Variants in GABBR2 observed in about 807,000 individuals in gnomAD.
GABBR2 encodes G-protein coupled receptor 51.
GABBR2 carries 23 observed loss-of-function variants against 105.6 expected under a neutral mutation model. The ratio of observed to expected loss-of-function variants is 0.22; its 90% CI spans 0.16 to 0.31. GABBR2 has a LOEUF of 0.31. Among genes scored for constraint, GABBR2 ranks in the 10% least tolerant of loss-of-function variants. GABBR2 has a pLI of 1.00. For missense variants in GABBR2, 734 were observed against 1,245.5 expected (o/e 0.59, Z 6.18); for synonymous variants, 478 against 499.7 (o/e 0.96, Z 0.58).
chr9:98,508,886 T>C (rs1827574721), intron 3 of GABBR2, among the ~76,000 whole-genome samples: 1 of 152,126 alleles, frequency 6.6e-6, no homozygotes, highest in Non-Finnish European at 1.5e-5. Flanking sequence ...CTCTGCAGAC[T>C]TAAATGTCCC....
intron 13 of GABBR2, among the ~76,000 whole-genome samples, chr9:98,345,690 C>T (rs1195292393): frequency 6.6e-6 from 1 of 152,104 alleles, no homozygotes; most frequent in African/African-American, 2.4e-5. Context: ...ACATGATCGT[C>T]TATATAGAAA....
chr9:98,452,659 C>T (rs951117786), intron 7 of GABBR2, among the ~76,000 whole-genome samples: 5 of 152,170 alleles, frequency 3.3e-5, no homozygotes, highest in African/African-American at 1.2e-4. Flanking sequence ...ATGTATTTAG[C>T]ACAATGTCTA....
chr9:98,473,205 A>G lies in GABBR2; in HGVS notation c.940T>C (p.Tyr314His), dbSNP rs773539228. ...AGGGGCTCGAAATCCACGCCAATGT[A>G]GCCCTCCATGGCAGCAAGCAGATTC... Reference protein sequence around the residue: ...RKNLLAAMEGYIGVDFEPLSS... With the variant: ...RKNLLAAMEGHIGVDFEPLSS... Residue 314 changes from tyrosine (Y) to histidine (H), a missense_variant, in exon 6 of 19, where the codon TAC (tyrosine) becomes CAC (histidine). By Grantham distance (83) the Tyr-to-His change is moderately conservative (BLOSUM62 2). Coordinates refer to ENST00000259455, the MANE Select transcript of GABBR2 (RefSeq NM_005458.8). 6.2e-6 allele frequency: 10 copies of G among 1,613,964 alleles called. No homozygotes were observed. Among genetic ancestry groups the G allele is most frequent in the Non-Finnish European group, 1.7e-6 (2 of 1,179,960 alleles).
intron 1 of GABBR2, among the ~76,000 whole-genome samples, chr9:98,703,564 CT>C (rs1830858777): frequency 6.6e-6 from 1 of 152,132 alleles, no homozygotes; most frequent in African/African-American, 2.4e-5. Flanking sequence ...ACAATCACAG[CT>C]TACTGTAGCC....
At chr9:98,699,322 T>C (rs1361559047) in intron 1 of GABBR2, among the ~76,000 whole-genome samples, 1 of 152,112 alleles carries the variant, frequency 6.6e-6, no homozygotes, top group Non-Finnish European at 1.5e-5. Flanking sequence ...GCACCAAATC[T>C]TCTATTGGAA....
intron 13 of GABBR2, among the ~76,000 whole-genome samples, chr9:98,321,461 T>C (rs1190093764): frequency 6.6e-6 from 1 of 152,174 alleles, no homozygotes; most frequent in Non-Finnish European, 1.5e-5. Flanking sequence ...GCAGAAGTCA[T>C]CAGGGTGGCA....
intron 7 of GABBR2, among the ~76,000 whole-genome samples, chr9:98,418,076 G>A (rs1391726181): frequency 6.6e-6 from 1 of 152,080 alleles, no homozygotes; most frequent in African/African-American, 2.4e-5. Context: ...CCAAATAAGG[G>A]GCCACAAAAG....
chr9:98,351,371 A>G (rs1445036917), intron 13 of GABBR2, among the ~76,000 whole-genome samples: 1 of 151,654 alleles, frequency 6.6e-6, no homozygotes, highest in East Asian at 1.9e-4. Flanking sequence ...TGGTGCTAAC[A>G]TTTCATTTCT....
At chr9:98,331,245 C>T (rs1831019790) in intron 13 of GABBR2, among the ~76,000 whole-genome samples, 1 of 152,046 alleles carries the variant, frequency 6.6e-6, no homozygotes, top group Non-Finnish European at 1.5e-5. Flanking sequence ...TTTTCATTTT[C>T]CTTGTGTGTA....
At chr9:98,596,529 G>A (rs1049689564) in intron 1 of GABBR2, among the ~76,000 whole-genome samples, 3 of 152,130 alleles carry the variant, frequency 2.0e-5, no homozygotes, top group South Asian at 4.1e-4. Flanking sequence ...GAAATGGTAG[G>A]GGGATATCCT....
rs571760890 is a variant in GABBR2, at chr9:98,340,128, A to G, written c.1893+22587T>C. Among the ~76,000 whole-genome samples the G allele has an allele frequency of 2.6e-5, 4 of 151,778 alleles. No homozygotes were observed. In the South Asian group the frequency reaches 8.4e-4, roughly 32 times the overall value. On this transcript the variant is annotated intron_variant, in intron 13 of 18. Transcript: ENST00000259455. Reference sequence around the variant, plus strand: ...TGGGGGAAAGCTGCAGCTGGTTCTCAGTGGACAAGTGCTGTGATGAAAAAA... The same window carrying G: ...TGGGGGAAAGCTGCAGCTGGTTCTCGGTGGACAAGTGCTGTGATGAAAAAA...
chr9:98,579,211 C>G (rs1487787220), intron 1 of GABBR2, among the ~76,000 whole-genome samples: 2 of 152,220 alleles, frequency 1.3e-5, no homozygotes, highest in African/African-American at 4.8e-5. Flanking sequence ...AAGGACTACT[C>G]TGTGTTCAGT....
chr9:98,468,872 G>A (rs1365459744), intron 6 of GABBR2, among the ~76,000 whole-genome samples: 2 of 152,182 alleles, frequency 1.3e-5, no homozygotes, highest in Non-Finnish European at 2.9e-5. Flanking sequence ...TGATTTGGAT[G>A]TGTCCCTAAG....
chr9:98,699,833 T>C (rs1830804909), intron 1 of GABBR2, among the ~76,000 whole-genome samples: 1 of 152,164 alleles, frequency 6.6e-6, no homozygotes, highest in Non-Finnish European at 1.5e-5. Context: ...AGGAAGGCAT[T>C]TCACCAGCCT....
chr9:98,400,450 C>G (rs1275089155), intron 8 of GABBR2, among the ~76,000 whole-genome samples: 2 of 152,156 alleles, frequency 1.3e-5, no homozygotes, highest in African/African-American at 4.8e-5. Flanking sequence ...CAAGGCCATT[C>G]TGCAGAGCAA....
rs1487466197 is a variant in GABBR2 at position 98,708,590 on chromosome 9, G to A, written c.148C>T (p.Pro50Ser). ...ATGGAGAGCGGCGGGCTGCTGGGCGGCGGCCGGGGGGCGCCCCGCGCCCAG... is the reference window on the plus strand; with the variant it reads ...ATGGAGAGCGGCGGGCTGCTGGGCGACGGCCGGGGGGCGCCCCGCGCCCAG... ...WGWARGAPRP[P>S]PSSPPLSIMG... Residue 50 changes from proline to serine, a missense_variant, in exon 1 of 19, where the codon CCG becomes TCG. This residue lies in a region of GABBR2 where 70 missense variants were observed against 73.4 expected (regional missense o/e 0.95). Coordinates refer to ENST00000259455, the MANE Select transcript of GABBR2 (RefSeq NM_005458.8). 2.0e-6 allele frequency: 3 copies of A among 1,466,688 alleles called. No individual in the cohort carries two copies. Among genetic ancestry groups the A allele is most frequent in the South Asian group, 1.4e-5 (1 of 72,100 alleles). The allele number at this position is 1,466,688 out of a possible 1,614,324, so 90.9% of individuals were successfully genotyped here. A position where few individuals can be genotyped will look rare whatever the true frequency, so the allele number is the denominator to read the frequency against.
intron 3 of GABBR2, among the ~76,000 whole-genome samples, chr9:98,540,900 G>A (rs1015756814): frequency 1.2e-4 from 19 of 152,190 alleles, no homozygotes; most frequent in African/African-American, 4.6e-4. Flanking sequence ...TGTTAGTAAG[G>A]ATATGTGAAA....
intron 13 of GABBR2, among the ~76,000 whole-genome samples, chr9:98,350,703 G>T (rs768082071): frequency 6.6e-6 from 1 of 152,202 alleles, no homozygotes; most frequent in Non-Finnish European, 1.5e-5. Context: ...TGAGAAAAAC[G>T]TGTATTCTGT....
At chr9:98,424,870 G>A (rs1244132627) in intron 7 of GABBR2, among the ~76,000 whole-genome samples, 2 of 152,072 alleles carry the variant, frequency 1.3e-5, no homozygotes, top group African/African-American at 4.8e-5. Context: ...ATGCTCATGG[G>A]TAGGAAGAAT....
Sources: gnomAD v4.1 joint callset for allele counts (sites outside exome capture counted in the v4.1 genomes callset) on GRCh38, gnomAD v4.1.1 for gene constraint, gnomAD v4.1.1 regional missense constraint, MANE v1.5 for transcripts, NCBI Gene and HGNC (gene_info 2026-07-23, HGNC 2026-07-21) for gene names.